PPP2R2B: variants seen among roughly 807,000 people sequenced by gnomAD.
The protein encoded by PPP2R2B is serine/threonine-protein phosphatase 2A 55 kDa regulatory subunit B beta isoform.
Under a neutral mutation model 46.0 loss-of-function variants are expected in PPP2R2B, and 5 were observed. That is an observed-to-expected ratio of 0.11 (90% CI 0.06 to 0.23). The LOEUF (loss-of-function observed/expected upper bound fraction) is 0.23, where lower values mean the gene tolerates loss of function less well. Among genes scored for constraint, PPP2R2B ranks in the 10% least tolerant of loss-of-function variants. The pLI, the probability that PPP2R2B is intolerant of heterozygous loss-of-function variation, is 1.00. For synonymous variants in PPP2R2B, 215 were observed against 206.7 expected (o/e 1.04, Z -0.34); for missense variants, 367 against 575.0 (o/e 0.64, Z 3.70).
intron 1 of PPP2R2B, among the ~76,000 whole-genome samples, chr5:146,961,569 A>G (rs1752175001): frequency 2.6e-5 from 4 of 152,150 alleles, no homozygotes; most frequent in South Asian, 4.1e-4. Flanking sequence ...ACACCTTTCC[A>G]TATAACTATC....
intron 2 of PPP2R2B, among the ~76,000 whole-genome samples, chr5:146,736,199 C>T (rs1005312228): frequency 5.3e-5 from 8 of 152,144 alleles, no homozygotes; most frequent in African/African-American, 1.9e-4. Flanking sequence ...TTTGCTTCCC[C>T]TTTTGACACG....
At chr5:146,916,362 T>A (rs976357947) in intron 1 of PPP2R2B, among the ~76,000 whole-genome samples, 3 of 151,332 alleles carry the variant, frequency 2.0e-5, no homozygotes, top group African/African-American at 7.3e-5. Context: ...TCATTATATA[T>A]TTAATCAAAT....
chr5:146,821,652 C>T (rs996640511), intron 2 of PPP2R2B, among the ~76,000 whole-genome samples: 8 of 150,810 alleles, frequency 5.3e-5, no homozygotes, highest in Admixed American at 4.0e-4. Context: ...TTTCTCACTT[C>T]AAAAAAAGAT....
At chr5:146,826,864 CA>C (rs1287155286) in intron 2 of PPP2R2B, among the ~76,000 whole-genome samples, 1 of 152,128 alleles carries the variant, frequency 6.6e-6, no homozygotes, top group Non-Finnish European at 1.5e-5. Flanking sequence ...CATCTGTCAA[CA>C]AATCATCTAT....
chr5:146,947,510 G>A (rs894948448), intron 1 of PPP2R2B, among the ~76,000 whole-genome samples: 66 of 152,052 alleles, frequency 4.3e-4, no homozygotes, highest in African/African-American at 1.5e-3. Context: ...AGATGATTGA[G>A]GCTTGGAGCT....
intron 6 of PPP2R2B, among the ~76,000 whole-genome samples, chr5:146,648,409 G>T (rs1201920423): frequency 6.6e-6 from 1 of 152,086 alleles, no homozygotes; most frequent in Admixed American, 6.5e-5. Context: ...AACCTTCAGA[G>T]CTTTACTATA....
At chr5:146,795,410 A>G (rs1756465836) in intron 2 of PPP2R2B, among the ~76,000 whole-genome samples, 1 of 152,142 alleles carries the variant, frequency 6.6e-6, no homozygotes, top group Non-Finnish European at 1.5e-5. Flanking sequence ...CTAATACATT[A>G]CGCCAAATGA....
At chr5:146,868,074 G>T (rs1761411753) in intron 2 of PPP2R2B, among the ~76,000 whole-genome samples, 1 of 152,206 alleles carries the variant, frequency 6.6e-6, no homozygotes, top group Non-Finnish European at 1.5e-5. Flanking sequence ...AGTGTGGCAA[G>T]ATGAGCAGCA....
intron 1 of PPP2R2B, among the ~76,000 whole-genome samples, chr5:146,894,836 A>G (rs1424258630): frequency 1.3e-5 from 2 of 152,156 alleles, no homozygotes; most frequent in Admixed American, 6.5e-5. Flanking sequence ...AATGTAGGTC[A>G]AGGATAGTGC....
At chr5:146,907,209 A>AT (rs55898541) in intron 1 of PPP2R2B, among the ~76,000 whole-genome samples, 144,534 of 151,482 alleles carry the variant, frequency 0.95, 68,984 homozygotes, top group East Asian at 1. Flanking sequence ...GCTAAATTAC[A>AT]TTTTTTTTTC....
At chr5:146,666,598 T>C (rs1343772274) in intron 5 of PPP2R2B, among the ~76,000 whole-genome samples, 2 of 152,198 alleles carry the variant, frequency 1.3e-5, no homozygotes, top group African/African-American at 4.8e-5. Flanking sequence ...GCCCATTCCC[T>C]TTCTTTGCAC....
intron 2 of PPP2R2B, among the ~76,000 whole-genome samples, chr5:147,073,905 A>G (rs1757679407): frequency 1.3e-5 from 2 of 152,016 alleles, no homozygotes; most frequent in African/African-American, 2.4e-5. Context: ...GGGTGGTGGC[A>G]GGCACCTGTA....
intron 2 of PPP2R2B, among the ~76,000 whole-genome samples, chr5:146,836,998 G>A (rs539951072): frequency 1.3e-5 from 2 of 152,258 alleles, no homozygotes; most frequent in African/African-American, 2.4e-5. Context: ...CCAACAACTA[G>A]CAGCACCAAT....
chr5:146,770,463 G>C (rs1017772952), intron 2 of PPP2R2B, among the ~76,000 whole-genome samples: 40 of 150,392 alleles, frequency 2.7e-4, no homozygotes, highest in African/African-American at 9.5e-4. Context: ...ATACTACTAA[G>C]TAAGAAACTA....
At chr5:146,872,872 T>C (rs1761695225) in intron 2 of PPP2R2B, among the ~76,000 whole-genome samples, 1 of 152,260 alleles carries the variant, frequency 6.6e-6, no homozygotes, top group South Asian at 2.1e-4. Context: ...CACTTCCTTG[T>C]ACTTTCTCAC....
chr5:146,945,676 T>A (rs751270192), intron 1 of PPP2R2B, among the ~76,000 whole-genome samples: 41 of 152,142 alleles, frequency 2.7e-4, no homozygotes, highest in Non-Finnish European at 5.3e-4. Flanking sequence ...TTTCCTAAAG[T>A]TTAGAGGACA....
chr5:146,856,847 T>C (rs1199507406), intron 2 of PPP2R2B, among the ~76,000 whole-genome samples: 2 of 152,106 alleles, frequency 1.3e-5, no homozygotes, highest in Non-Finnish European at 2.9e-5. Context: ...AAAGTGTTGC[T>C]CCTGATCATC....
intron 3 of PPP2R2B, among the ~76,000 whole-genome samples, chr5:146,699,405 G>A (rs1364032981): frequency 2.0e-5 from 3 of 152,156 alleles, no homozygotes; most frequent in South Asian, 2.1e-4. Flanking sequence ...AAAGCTTAAC[G>A]CTTAACTGCA....
At chr5:147,061,437 G>T (rs1757255281) in intron 2 of PPP2R2B, among the ~76,000 whole-genome samples, 1 of 152,102 alleles carries the variant, frequency 6.6e-6, no homozygotes, top group South Asian at 2.1e-4. Flanking sequence ...TCCTCACCGA[G>T]ATTTCCTCTT....
Sources: allele counts gnomAD v4.1 joint callset (sites outside exome capture counted in the v4.1 genomes callset), GRCh38; gene constraint gnomAD v4.1.1; transcripts MANE v1.5; gene names NCBI Gene and HGNC (gene_info 2026-07-23, HGNC 2026-07-21).